The following MUL1 variants were observed in gnomAD, a reference collection of about 807,000 sequenced individuals.
MUL1 encodes the protein mitochondrial ubiquitin ligase activator of NFKB 1.
Under a neutral mutation model 34.1 loss-of-function variants are expected in MUL1, and 30 were observed. The ratio of observed to expected loss-of-function variants is 0.88; its 90% CI spans 0.66 to 1.19. MUL1 has a LOEUF of 1.19. MUL1 is among the 50% of genes most tolerant of loss of function. The pLI is 0.00. For missense variants in MUL1, 419 were observed against 450.5 expected (o/e 0.93, Z 0.63); for synonymous variants, 191 against 187.8 (o/e 1.02, Z -0.14).
In MUL1 at chr1:20,501,129, G is replaced by C. The variant is rs1402608714; in HGVS notation, c.620C>G (p.Ser207Cys). The change falls in exon 4 of 4, where the codon TCT (serine) becomes TGT (cysteine). Residue 207 changes from serine to cysteine, a missense_variant. Ser to Cys is a moderately radical substitution (Grantham distance 112). Coordinates refer to ENST00000264198, the MANE Select transcript of MUL1 (RefSeq NM_024544.3). The surrounding 1 kb of genome is among the most constrained non-coding windows in gnomAD (Gnocchi z 4.2). The part of the protein sequence containing the change: ...GVGELVLDNN[S>C]VRLQPPKQGM... Reference sequence around the variant, plus strand: ...TTGTTTGGGCGGCTGCAGGCGGACAGAGTTGTTGTCCAGGACCAGTTCGCC... The same window carrying C: ...TTGTTTGGGCGGCTGCAGGCGGACACAGTTGTTGTCCAGGACCAGTTCGCC... 2.5e-6 allele frequency: 4 copies of C among 1,614,146 alleles called. No individual in the cohort carries two copies. In the East Asian group the frequency reaches 8.9e-5, roughly 36 times the overall value.
rs2051666042 is a variant in MUL1, at chr1:20,501,983, C to G, written c.329+86G>C. 1.3e-6 allele frequency: 2 copies of G among 1,560,424 alleles called. No homozygotes were observed. The highest frequency in any genetic ancestry group is 1.1e-5 in the South Asian group (1 of 87,806). ...GGGCTTCAACCTGTCTCAGGAGAAG[C>G]TGAAGTCACGGCAACAGCACCCAGG... On this transcript the variant is annotated intron_variant, in intron 3 of 3. Coordinates refer to ENST00000264198, the MANE Select transcript of MUL1 (RefSeq NM_024544.3). This position sits in a 1 kb window ranked among gnomAD's most constrained non-coding sequence, Gnocchi z 4.2.
At chr1:20,507,758 T>G in intron 1 of MUL1, 147 bp downstream of exon 1, 2 of 1,181,692 alleles carry the variant, frequency 1.7e-6, no homozygotes, top group Non-Finnish European at 2.3e-6. Context: ...CCCTCGCTCC[T>G]CCATCTACTG....
At position 20,500,921 on chromosome 1, in the gene MUL1, C is replaced by T; in HGVS notation, c.828G>A (p.Gln276=). Residue 276 remains glutamine, a synonymous_variant, in exon 4 of 4, where the codon CAG becomes CAA. Coordinates refer to ENST00000264198, the MANE Select transcript of MUL1 (RefSeq NM_024544.3). The part of the protein sequence containing the change: ...RQERLRLKQM[Q]EEFQEHEAQL... ...GGGCCTCATGCTCCTGGAACTCCTC[C>T]TGCATCTGCTTGAGGCGCAGGCGCT... The T allele has an allele frequency of 1.9e-6, 3 of 1,614,150 alleles. No individual in the cohort carries two copies. The highest frequency in any genetic ancestry group is 2.5e-6 in the Non-Finnish European group (3 of 1,180,042).
In MUL1 at chr1:20,501,013, C is replaced by T; in HGVS notation, c.736G>A (p.Val246Ile). ...SVRLWKVLAL[V>I]FGFATCATLF... ...GTGGCACATGTGGCAAAGCCAAAAA[C>T]CAGCGCCAGCACCTTCCAGAGCCTG... The change falls in exon 4 of 4, where the codon GTT (valine) becomes ATT (isoleucine). Residue 246 changes from valine to isoleucine, a missense_variant. Coordinates refer to ENST00000264198, the MANE Select transcript of MUL1 (RefSeq NM_024544.3). The surrounding 1 kb of genome is among the most constrained non-coding windows in gnomAD (Gnocchi z 4.2). The T allele has an allele frequency of 6.2e-7, 1 of 1,614,084 alleles. No individual in the cohort carries two copies. Among genetic ancestry groups the T allele is most frequent in the East Asian group, 2.2e-5 (1 of 44,880 alleles).
intron 1 of MUL1, among the ~76,000 whole-genome samples, chr1:20,506,993 C>T (rs1488919390): frequency 6.6e-6 from 1 of 151,608 alleles, no homozygotes; most frequent in East Asian, 2.0e-4. Context: ...TTCGGAGAGC[C>T]GAGGCGGGGA....
intron 1 of MUL1, 139 bp from the exon 2 acceptor site, chr1:20,503,448 G>C (rs1225417943): frequency 1.8e-6 from 1 of 558,498 alleles, no homozygotes; most frequent in Non-Finnish European, 3.1e-6. Context: ...GGTGACTACT[G>C]AGAATCAGAT....
At chr1:20,505,428 A>T (rs1460875360) in intron 1 of MUL1, among the ~76,000 whole-genome samples, 1 of 151,958 alleles carries the variant, frequency 6.6e-6, no homozygotes, top group Non-Finnish European at 1.5e-5. Flanking sequence ...TATGAAAAAT[A>T]AAAAATTAGC....
intron 1 of MUL1, among the ~76,000 whole-genome samples, chr1:20,507,478 C>T (rs564801648): frequency 3.0e-4 from 46 of 152,286 alleles, no homozygotes; most frequent in African/African-American, 1.1e-3. Context: ...CTTTCTCCAG[C>T]ATTCCATGTC....
In MUL1 at chr1:20,501,905, G is replaced by A. The variant is rs533482547; in HGVS notation, c.329+164C>T. Reference sequence around the variant, plus strand: ...TTCAACAAGATGCCTCGGTGATTCCGACATAGGAGGCCCACAGGCTACACA... The same window carrying A: ...TTCAACAAGATGCCTCGGTGATTCCAACATAGGAGGCCCACAGGCTACACA... On this transcript the variant is annotated intron_variant, in intron 3 of 3. Coordinates refer to ENST00000264198, the MANE Select transcript of MUL1 (RefSeq NM_024544.3). The surrounding 1 kb of genome is among the most constrained non-coding windows in gnomAD (Gnocchi z 4.2). Among the ~76,000 whole-genome samples, 52 of 152,300 alleles carry A rather than the reference G, an allele frequency of 3.4e-4. No individual in the cohort carries two copies. In the East Asian group the frequency reaches 9.1e-3, roughly 27 times the overall value.
At chr1:20,505,402 T>G (rs1476296699) in intron 1 of MUL1, among the ~76,000 whole-genome samples, 13 of 151,730 alleles carry the variant, frequency 8.6e-5, no homozygotes, top group African/African-American at 3.1e-4. Flanking sequence ...ATGAGCAACA[T>G]GCAAGACCCC....
At chr1:20,507,773 G>T in intron 1 of MUL1, 132 bp downstream of exon 1, 1 of 1,327,562 alleles carries the variant, frequency 7.5e-7, no homozygotes. Context: ...CTACTGGCTG[G>T]ATGACACCCT....
Position 20,501,437 on chromosome 1 carries a change from C to A in MUL1, c.330-18G>T, listed in dbSNP as rs746499719. Reference sequence around the variant, plus strand: ...AATCATTCCTAGAAGAATAAGAGAACTAAAGATACAGGGTAGCAAACAGCA... The same window carrying A: ...AATCATTCCTAGAAGAATAAGAGAAATAAAGATACAGGGTAGCAAACAGCA... On this transcript the variant is annotated intron_variant, in intron 3 of 3. Transcript: ENST00000264198. This position sits in a 1 kb window ranked among gnomAD's most constrained non-coding sequence, Gnocchi z 4.2. 1 of 1,602,062 alleles carries A rather than the reference C, an allele frequency of 6.2e-7. No homozygotes were observed. The highest frequency in any genetic ancestry group is 1.1e-5 in the South Asian group (1 of 90,196).
intron 1 of MUL1, among the ~76,000 whole-genome samples, chr1:20,506,300 C>A (rs2051713290): frequency 6.6e-6 from 1 of 152,216 alleles, no homozygotes; most frequent in Non-Finnish European, 1.5e-5. Flanking sequence ...TGAGCATCTA[C>A]CACTTGCCAA....
At chr1:20,507,014 C>T (rs1254462167) in intron 1 of MUL1, among the ~76,000 whole-genome samples, 2 of 150,320 alleles carry the variant, frequency 1.3e-5, no homozygotes, top group East Asian at 4.0e-4. Flanking sequence ...GATCACCCGA[C>T]GTCAGGAGCT....
chr1:20,500,372 C>T lies in MUL1; in HGVS notation c.*318G>A. 4.4e-6 allele frequency: 1 copy of T among 225,722 alleles called. No individual in the cohort carries two copies. The highest frequency in any genetic ancestry group is 5.1e-5 in the Admixed American group (1 of 19,444). The allele number at this position is 225,722 out of a possible 1,614,324, so 14.0% of individuals were successfully genotyped here. The stretch of plus-strand genomic sequence containing the variant: ...ACACAGGAACAGAAGAGCTGCTGAT[C>T]ACTGGCTTTGGTGCTTAAGTGATGA... On this transcript the variant is annotated 3_prime_UTR_variant, in exon 4 of 4. Coordinates refer to ENST00000264198, the MANE Select transcript of MUL1 (RefSeq NM_024544.3).
At chr1:20,504,129 C>CA (rs895125544) in intron 1 of MUL1, among the ~76,000 whole-genome samples, 6 of 152,156 alleles carry the variant, frequency 3.9e-5, no homozygotes, top group Admixed American at 3.9e-4. Flanking sequence ...CTCGGCCTCC[C>CA]AAAGTGCTGG....
chr1:20,507,755 T>G (rs2051729643), intron 1 of MUL1, 150 bp downstream of exon 1: 3 of 1,147,448 alleles, frequency 2.6e-6, no homozygotes, highest in Non-Finnish European at 3.6e-6. Flanking sequence ...TGCCCCTCGC[T>G]CCTCCATCTA....
At chr1:20,503,435 G>C (rs2051684483) in intron 1 of MUL1, 126 bp from the exon 2 acceptor site, 1 of 576,384 alleles carries the variant, frequency 1.7e-6, no homozygotes, top group South Asian at 2.2e-5. Context: ...AATTGGACAG[G>C]AAGGTGACTA....
At chr1:20,502,370 G>C (rs1417970251) in intron 2 of MUL1, among the ~76,000 whole-genome samples, 181 bp from the exon 3 acceptor site, 1 of 152,196 alleles carries the variant, frequency 6.6e-6, no homozygotes, top group South Asian at 2.1e-4. Context: ...TTAACACAGT[G>C]AGATTCCATC....
Sources: gnomAD v4.1 joint callset for allele counts (sites outside exome capture counted in the v4.1 genomes callset) on GRCh38, gnomAD v4.1.1 for gene constraint, Gnocchi (gnomAD v3.1) non-coding constraint, MANE v1.5 for transcripts, NCBI Gene and HGNC (gene_info 2026-07-23, HGNC 2026-07-21) for gene names.